LRBA: variants seen among roughly 807,000 people sequenced by gnomAD.
LRBA encodes the protein LPS responsive beige-like anchor protein.
Under a neutral mutation model 330.0 loss-of-function variants are expected in LRBA, and 176 were observed. The observed-to-expected ratio is 0.53, with a 90% CI of 0.47 to 0.60. The LOEUF is 0.60. Ranked by LOEUF, LRBA falls within the 20% of genes least tolerant of loss-of-function variation. LRBA has a pLI of 0.00. For synonymous variants in LRBA, 1,230 were observed against 1,193.0 expected, an observed-to-expected ratio of 1.03 and a Z score of -0.64; for missense variants, 3,259 against 3,444.8, an observed-to-expected ratio of 0.95 and a Z score of 1.35.
chr4:150,310,262 C>T lies in LRBA; in HGVS notation c.7816G>A (p.Asp2606Asn). 6.2e-7 allele frequency: 1 copy of T among 1,612,438 alleles called. No homozygotes were observed. Among genetic ancestry groups the T allele is most frequent in the East Asian group, 2.2e-5 (1 of 44,840 alleles). ...GTAGAATAGACTCTGAAACTTTTAT[C>T]CCAGAAGCCACAGACGAGAATATAG... Reference protein sequence around the residue: ...NRYILVCGFWDKSFRVYSTDT... With the variant: ...NRYILVCGFWNKSFRVYSTDT... Residue 2606 changes from aspartate to asparagine, a missense_variant, in exon 52 of 57, where the codon GAT becomes AAT. By Grantham distance (23) the Asp-to-Asn change is conservative (BLOSUM62 1). Coordinates refer to ENST00000651943, the MANE Select transcript of LRBA (RefSeq NM_001364905.1).
At position 150,976,429 on chromosome 4, in the gene LRBA, A is replaced by C. The variant is rs140237390; in HGVS notation, c.216+37998T>G. Among the ~76,000 whole-genome samples, 109 of 152,308 alleles carry C rather than the reference A, an allele frequency of 7.2e-4. 1 individual carries two copies. The highest frequency in any genetic ancestry group is 2.4e-3 in the African/African-American group (101 of 41,570). Reference sequence around the variant, plus strand: ...AAATGATTTCCAAACAGTTGATTACATACTCCTACTGGCAAAAAATTAAGT... The same window carrying C: ...AAATGATTTCCAAACAGTTGATTACCTACTCCTACTGGCAAAAAATTAAGT... On this transcript the variant is annotated intron_variant, in intron 2 of 56. Transcript: ENST00000651943.
intron 40 of LRBA, among the ~76,000 whole-genome samples, chr4:150,547,203 T>C (rs565703906): frequency 6.6e-6 from 1 of 151,636 alleles, no homozygotes; most frequent in Non-Finnish European, 1.5e-5. Context: ...TCATTGGTAT[T>C]AGGTTATTTT....
rs9331496 is a variant in LRBA at position 150,848,562 on chromosome 4, GAAAAAAAAA to G, written c.4339+247_4339+255del. The stretch of plus-strand genomic sequence containing the variant: ...GAACCACCATTTCAGGGAGAAAAAA[GAAAAAAAAA>G]AAAAAAAAAGATAGGGGAGAGTGGA... On this transcript the variant is annotated intron_variant, in intron 26 of 56. Transcript: ENST00000651943. Among the ~76,000 whole-genome samples the G allele has an allele frequency of 2.0e-3, 239 of 120,040 alleles. 5 individuals are homozygous for G. In the East Asian group the frequency reaches 0.033, roughly 17 times the overall value. 78.8% of individuals were successfully genotyped at this position (120,040 alleles called of 152,430 possible).
At chr4:150,594,205 T>G (rs1773219477) in intron 38 of LRBA, among the ~76,000 whole-genome samples, 1 of 151,990 alleles carries the variant, frequency 6.6e-6, no homozygotes, top group South Asian at 2.1e-4. Context: ...AACTCCCCCT[T>G]GAGGATTTTA....
intron 9 of LRBA, among the ~76,000 whole-genome samples, chr4:150,912,950 T>C (rs1007001483): frequency 6.6e-5 from 10 of 152,234 alleles, no homozygotes; most frequent in Admixed American, 2.0e-4. Context: ...TTGTGATTTA[T>C]CTTTGACCCA....
intron 47 of LRBA, among the ~76,000 whole-genome samples, chr4:150,380,882 T>G (rs746598096): frequency 2.1e-5 from 3 of 144,798 alleles, no homozygotes; most frequent in Non-Finnish European, 3.0e-5. Flanking sequence ...CTTGGGAGGC[T>G]GAGGCAGGAG....
At chr4:150,930,222 G>A (rs1734340336) in intron 2 of LRBA, among the ~76,000 whole-genome samples, 1 of 152,106 alleles carries the variant, frequency 6.6e-6, no homozygotes, top group South Asian at 2.1e-4. Context: ...GGTTGAGGTA[G>A]GAGAATCACT....
intron 34 of LRBA, among the ~76,000 whole-genome samples, chr4:150,772,446 A>G (rs1736710810): frequency 6.6e-6 from 1 of 152,150 alleles, no homozygotes; most frequent in African/African-American, 2.4e-5. Context: ...GCCTGATCAC[A>G]TGTACATCAC....
chr4:150,691,180 T>G (rs1582059474), intron 36 of LRBA, among the ~76,000 whole-genome samples: 1 of 152,114 alleles, frequency 6.6e-6, no homozygotes, highest in Non-Finnish European at 1.5e-5. Context: ...TCTGCCCGCC[T>G]TGGCCTCCCA....
chr4:150,744,991 T>G (rs1732494435), intron 35 of LRBA, among the ~76,000 whole-genome samples: 1 of 152,220 alleles, frequency 6.6e-6, no homozygotes, highest in Non-Finnish European at 1.5e-5. Flanking sequence ...TAAGTGGCTA[T>G]GTGTGACCAG....
intron 40 of LRBA, among the ~76,000 whole-genome samples, chr4:150,526,827 T>C (rs1344619322): frequency 6.6e-6 from 1 of 152,114 alleles, no homozygotes; most frequent in Non-Finnish European, 1.5e-5. Context: ...GCCATTATCA[T>C]GTATAACAAA....
At chr4:150,507,328 T>C (rs1235078911) in intron 40 of LRBA, among the ~76,000 whole-genome samples, 1 of 152,170 alleles carries the variant, frequency 6.6e-6, no homozygotes, top group Admixed American at 6.5e-5. Flanking sequence ...CTTCAAACTA[T>C]ACTACAAGGC....
intron 17 of LRBA, among the ~76,000 whole-genome samples, chr4:150,882,212 G>C (rs1728475201): frequency 1.3e-5 from 2 of 152,034 alleles, no homozygotes; most frequent in Non-Finnish European, 2.9e-5. Flanking sequence ...ATTATTCTAT[G>C]AACCTAATAG....
intron 44 of LRBA, among the ~76,000 whole-genome samples, chr4:150,448,544 G>C (rs560409428): frequency 1.7e-4 from 26 of 152,178 alleles, no homozygotes; most frequent in Non-Finnish European, 2.9e-4. Context: ...GCTCACACCT[G>C]TAATCCCAGC....
chr4:150,486,728 T>C (rs756480250), intron 42 of LRBA, among the ~76,000 whole-genome samples: 20 of 151,802 alleles, frequency 1.3e-4, no homozygotes, highest in East Asian at 3.9e-4. Context: ...TGCTGTAAGA[T>C]AGATCTCTTC....
intron 39 of LRBA, among the ~76,000 whole-genome samples, chr4:150,590,387 A>G (rs1772667284): frequency 6.6e-6 from 1 of 150,740 alleles, no homozygotes; most frequent in African/African-American, 2.4e-5. Context: ...AAACTGGCAG[A>G]ATTTTACTTA....
At chr4:150,781,790 C>T (rs1738262374) in intron 34 of LRBA, among the ~76,000 whole-genome samples, 1 of 152,110 alleles carries the variant, frequency 6.6e-6, no homozygotes, top group South Asian at 2.1e-4. Context: ...GAGTCAAAAT[C>T]ATCACAAATC....
Position 150,871,335 on chromosome 4 carries a change from A to G in LRBA, c.2367+10T>C. On this transcript the variant is annotated intron_variant, in intron 19 of 56. Transcript: ENST00000651943. The stretch of plus-strand genomic sequence containing the variant: ...AAATTTAGAGGAGTAAATCCTAAGT[A>G]CATTCCTACCTCAAACAGCACATTA... 1 of 1,498,874 alleles carries G rather than the reference A, an allele frequency of 6.7e-7. No homozygotes were observed. The highest frequency in any genetic ancestry group is 9.3e-7 in the Non-Finnish European group (1 of 1,078,210). The allele number at this position is 1,498,874 out of a possible 1,614,324, so 92.8% of individuals were successfully genotyped here. A position where few individuals can be genotyped will look rare whatever the true frequency, so the allele number is the denominator to read the frequency against.
chr4:150,730,130 C>A (rs1160735523), intron 36 of LRBA, among the ~76,000 whole-genome samples: 2 of 151,942 alleles, frequency 1.3e-5, no homozygotes, highest in African/African-American at 2.4e-5. Flanking sequence ...GCAACCAAAG[C>A]AAAAATGAAT....
Sources: allele counts gnomAD v4.1 joint callset (sites outside exome capture counted in the v4.1 genomes callset), GRCh38; gene constraint gnomAD v4.1.1; transcripts MANE v1.5; gene names NCBI Gene and HGNC (gene_info 2026-07-23, HGNC 2026-07-21).